ANKS1B: variants seen among roughly 807,000 people sequenced by gnomAD.
ANKS1B encodes ankyrin repeat and sterile alpha motif domain containing 1B.
Under a neutral mutation model 148.3 loss-of-function variants are expected in ANKS1B, and 36 were observed. That is an observed-to-expected ratio of 0.24 (90% CI 0.19 to 0.32). The LOEUF (loss-of-function observed/expected upper bound fraction) is 0.32. Ranked by LOEUF, ANKS1B falls within the 10% of genes least tolerant of loss-of-function variation. The pLI, the probability that ANKS1B is intolerant of heterozygous loss-of-function variation, is 1.00. For synonymous variants in ANKS1B, 542 were observed against 560.8 expected (o/e 0.97, Z 0.47); for missense variants, 1,157 against 1,542.6 (o/e 0.75, Z 4.19).
chr12:98,770,769 G>A (rs2098555301), intron 25 of ANKS1B, among the ~76,000 whole-genome samples: 1 of 152,210 alleles, frequency 6.6e-6, no homozygotes, highest in African/African-American at 2.4e-5. Context: ...TTGGATTACA[G>A]TTGGCCTTGG....
At chr12:99,593,406 A>C (rs1356602041) in intron 9 of ANKS1B, among the ~76,000 whole-genome samples, 4 of 152,268 alleles carry the variant, frequency 2.6e-5, no homozygotes, top group African/African-American at 9.6e-5. Context: ...AAAGTTTGAA[A>C]TTCAGAAGCA....
chr12:99,640,845 G>C (rs1190794862), intron 9 of ANKS1B, among the ~76,000 whole-genome samples: 1 of 152,124 alleles, frequency 6.6e-6, no homozygotes, highest in African/African-American at 2.4e-5. Flanking sequence ...AGGAACTCAT[G>C]GTGCCATAAG....
chr12:99,439,485 T>TA (rs998845356), intron 11 of ANKS1B, among the ~76,000 whole-genome samples: 1 of 150,402 alleles, frequency 6.6e-6, no homozygotes, highest in Non-Finnish European at 1.5e-5. Context: ...TGAACACCCC[T>TA]AAAAAAAAGA....
At chr12:98,767,884 C>T (rs746830311) in intron 25 of ANKS1B, among the ~76,000 whole-genome samples, 6 of 152,218 alleles carry the variant, frequency 3.9e-5, no homozygotes, top group Non-Finnish European at 7.3e-5. Context: ...ACTTCAGCCT[C>T]GGGATCTGGT....
At chr12:99,814,921 T>C (rs1278394897) in intron 2 of ANKS1B, among the ~76,000 whole-genome samples, 3 of 151,706 alleles carry the variant, frequency 2.0e-5, no homozygotes, top group African/African-American at 4.8e-5. Flanking sequence ...GCAAAAGAAG[T>C]TAGTCAAATT....
At chr12:99,928,481 T>C (rs1021289333) in intron 1 of ANKS1B, among the ~76,000 whole-genome samples, 1 of 151,552 alleles carries the variant, frequency 6.6e-6, no homozygotes, top group Non-Finnish European at 1.5e-5. Flanking sequence ...GGTTTCACCT[T>C]GTTAGCCAGG....
At chr12:99,428,638 A>C (rs1395340326) in intron 11 of ANKS1B, among the ~76,000 whole-genome samples, 1 of 152,164 alleles carries the variant, frequency 6.6e-6, no homozygotes, top group Non-Finnish European at 1.5e-5. Context: ...GTGTATACAT[A>C]CCCAGACCCA....
At chr12:99,934,958 C>G (rs982615851) in intron 1 of ANKS1B, among the ~76,000 whole-genome samples, 1 of 152,082 alleles carries the variant, frequency 6.6e-6, no homozygotes, top group Non-Finnish European at 1.5e-5. Flanking sequence ...GACTGGTGAT[C>G]TGGGATAAGA....
chr12:99,648,083 G>T (rs540572362), intron 9 of ANKS1B: 22 of 1,514,172 alleles, frequency 1.5e-5, no homozygotes, highest in Non-Finnish European at 1.9e-5. Context: ...TGGCCCACCT[G>T]CCAGAGTAGC....
At chr12:99,345,945 T>C (rs1031537557) in intron 12 of ANKS1B, among the ~76,000 whole-genome samples, 1 of 152,026 alleles carries the variant, frequency 6.6e-6, no homozygotes, top group African/African-American at 2.4e-5. Context: ...GTCCTAATCA[T>C]ACCTGAAGGT....
At chr12:99,238,510 C>A (rs1213895666) in intron 14 of ANKS1B, among the ~76,000 whole-genome samples, 1 of 152,218 alleles carries the variant, frequency 6.6e-6, no homozygotes, top group Non-Finnish European at 1.5e-5. Context: ...CAGACAGTTT[C>A]TGCAGATTTA....
chr12:99,207,221 A>G lies in ANKS1B; in HGVS notation c.2419+37121T>C, dbSNP rs1434175436. On this transcript the variant is annotated intron_variant, in intron 14 of 26. Transcript: ENST00000683438. ...GGGGTGCGATTTTCTGAACTACTTTAATGGCTATGTAGTTTAAGAAGCAAT... is the reference window on the plus strand; with the variant it reads ...GGGGTGCGATTTTCTGAACTACTTTGATGGCTATGTAGTTTAAGAAGCAAT... 1.3e-5 allele frequency among the ~76,000 whole-genome samples: 2 copies of G among 152,194 alleles called. 1 individual carries two copies. Among genetic ancestry groups the G allele is most frequent in the Non-Finnish European group, 2.9e-5 (2 of 68,024 alleles).
intron 9 of ANKS1B, among the ~76,000 whole-genome samples, chr12:99,545,254 C>T (rs560420535): frequency 2.0e-5 from 3 of 152,232 alleles, no homozygotes; most frequent in African/African-American, 7.2e-5. Context: ...ATATAACACA[C>T]TTAAGTTCTG....
At chr12:99,164,546 G>A (rs1601313410) in intron 14 of ANKS1B, among the ~76,000 whole-genome samples, 1 of 151,836 alleles carries the variant, frequency 6.6e-6, no homozygotes, top group African/African-American at 2.4e-5. Flanking sequence ...ATTTTTCCCT[G>A]CTCTAATGAT....
intron 9 of ANKS1B, among the ~76,000 whole-genome samples, chr12:99,616,943 GA>G (rs921316721): frequency 2.0e-5 from 3 of 149,154 alleles, no homozygotes; most frequent in Non-Finnish European, 4.5e-5. Context: ...AAATTTACAA[GA>G]AAAAAAAACA....
intron 12 of ANKS1B, among the ~76,000 whole-genome samples, chr12:99,347,192 A>G (rs1372904378): frequency 6.6e-6 from 1 of 152,026 alleles, no homozygotes; most frequent in African/African-American, 2.4e-5. Flanking sequence ...ATCTATATAA[A>G]TACTTAATAG....
chr12:99,780,883 AT>A (rs1227177103), intron 5 of ANKS1B, among the ~76,000 whole-genome samples: 4 of 152,310 alleles, frequency 2.6e-5, no homozygotes, highest in South Asian at 2.1e-4. Flanking sequence ...TTTATGCAAG[AT>A]TGTATTTGTC....
chr12:99,792,170 A>T (rs911515629), intron 4 of ANKS1B, among the ~76,000 whole-genome samples: 1 of 151,986 alleles, frequency 6.6e-6, no homozygotes, highest in African/African-American at 2.4e-5. Flanking sequence ...TCCTACATAC[A>T]TACAATCTAC....
chr12:99,037,557 A>G (rs1242569281), intron 17 of ANKS1B, among the ~76,000 whole-genome samples: 1 of 152,178 alleles, frequency 6.6e-6, no homozygotes. Flanking sequence ...ACTGAATTTT[A>G]TCAAAAGCAT....
Sources: gnomAD v4.1 joint callset for allele counts (sites outside exome capture counted in the v4.1 genomes callset) on GRCh38, gnomAD v4.1.1 for gene constraint, MANE v1.5 for transcripts, NCBI Gene and HGNC (gene_info 2026-07-23, HGNC 2026-07-21) for gene names.